Variants in PALM2AKAP2 observed in about 807,000 individuals in gnomAD.
PALM2AKAP2 encodes PALM2-AKAP2 fusion protein.
Under a neutral mutation model 71.5 loss-of-function variants are expected in PALM2AKAP2, and 37 were observed. The observed-to-expected ratio is 0.52, with a 90% CI of 0.40 to 0.68. PALM2AKAP2 has a LOEUF of 0.68. Among genes scored for constraint, PALM2AKAP2 ranks in the 30% least tolerant of loss-of-function variants. The pLI is 0.00. For missense variants in PALM2AKAP2, 1,224 were observed against 1,191.8 expected (o/e 1.03, Z -0.40); for synonymous variants, 468 against 478.8 (o/e 0.98, Z 0.29).
rs977366228 is a variant in PALM2AKAP2, at chr9:109,810,047, C to A, written c.45+29514C>A. On this transcript the variant is annotated intron_variant, in intron 1 of 9. Transcript: ENST00000302798. ...AGCAGTGGGAGAATGAACTAATACA[C>A]CCCCGAAGGCCCTACCTAATATAAT... 3.9e-5 allele frequency among the ~76,000 whole-genome samples: 6 copies of A among 152,302 alleles called. No individual in the cohort carries two copies. The East Asian group carries it at 1.2e-3, about 29-fold the overall frequency.
intron 1 of PALM2AKAP2, among the ~76,000 whole-genome samples, chr9:110,070,137 T>G (rs1416965041): frequency 6.6e-6 from 1 of 152,172 alleles, no homozygotes; most frequent in Non-Finnish European, 1.5e-5. Flanking sequence ...AAACCCATAG[T>G]GGAAACACTT....
intron 1 of PALM2AKAP2, among the ~76,000 whole-genome samples, chr9:109,761,534 C>T (rs1457855948): frequency 6.6e-6 from 1 of 152,144 alleles, no homozygotes; most frequent in Non-Finnish European, 1.5e-5. Flanking sequence ...TTGTCCCCCA[C>T]CCCCAACAGG....
chr9:110,090,498 C>T (rs1278230636), intron 1 of PALM2AKAP2: 1 of 452,220 alleles, frequency 2.2e-6, no homozygotes. Context: ...CTCATTAAGG[C>T]ACATTTCTCT....
At chr9:109,993,596 C>T (rs984689395) in intron 6 of PALM2AKAP2, among the ~76,000 whole-genome samples, 4 of 152,178 alleles carry the variant, frequency 2.6e-5, no homozygotes, top group African/African-American at 9.7e-5. Context: ...AATTGGAGTG[C>T]TATTAACATA....
intron 1 of PALM2AKAP2, among the ~76,000 whole-genome samples, chr9:109,771,263 A>AG (rs1829257305): frequency 6.6e-6 from 1 of 152,176 alleles, no homozygotes; most frequent in African/African-American, 2.4e-5. Context: ...GCATACCAAG[A>AG]GGGGGTGGGA....
chr9:110,138,951 T>C (rs1035202284), intron 2 of PALM2AKAP2, among the ~76,000 whole-genome samples: 3 of 152,190 alleles, frequency 2.0e-5, no homozygotes, highest in Non-Finnish European at 4.4e-5. Context: ...ACCCATCTGA[T>C]TTGGGAGTTG....
At chr9:109,780,477 C>T in exon 1 of PALM2AKAP2, 3 of 1,613,390 alleles carry the variant, frequency 1.9e-6, no homozygotes, top group Non-Finnish European at 2.5e-6. Flanking sequence ...TGCCTGTGTG[C>T]CCTTCTCCAG....
At chr9:110,140,287 C>G (rs984618925) in intron 2 of PALM2AKAP2, among the ~76,000 whole-genome samples, 1 of 152,196 alleles carries the variant, frequency 6.6e-6, no homozygotes, top group Non-Finnish European at 1.5e-5. Context: ...ACTTGTATGT[C>G]CTTTGGAGAT....
At chr9:109,694,968 T>G (rs779740333) in intron 1 of PALM2AKAP2, among the ~76,000 whole-genome samples, 1 of 152,120 alleles carries the variant, frequency 6.6e-6, no homozygotes, top group Non-Finnish European at 1.5e-5. Context: ...AAGTGAGATG[T>G]CACCTGGAAA....
chr9:109,711,955 G>A (rs941502320), intron 1 of PALM2AKAP2, among the ~76,000 whole-genome samples: 1 of 151,922 alleles, frequency 6.6e-6, no homozygotes, highest in African/African-American at 2.4e-5. Flanking sequence ...GACTTCCTGA[G>A]CTATCCTTGT....
intron 1 of PALM2AKAP2, among the ~76,000 whole-genome samples, chr9:110,121,065 A>G (rs1412833097): frequency 6.6e-6 from 1 of 152,152 alleles, no homozygotes; most frequent in East Asian, 1.9e-4. Flanking sequence ...GCACCAGAGA[A>G]GCATTACCAG....
intron 6 of PALM2AKAP2, among the ~76,000 whole-genome samples, chr9:110,014,298 C>A (rs144804713): frequency 3.9e-4 from 59 of 152,134 alleles, no homozygotes; most frequent in African/African-American, 1.4e-3. Context: ...TTTTAACCTC[C>A]TTAAGAAAAT....
At chr9:110,148,069 G>C (rs1413277059) in intron 2 of PALM2AKAP2, among the ~76,000 whole-genome samples, 1 of 152,030 alleles carries the variant, frequency 6.6e-6, no homozygotes, top group Non-Finnish European at 1.5e-5. Flanking sequence ...TTTCCTTCTG[G>C]GGGGAGGTAA....
intron 1 of PALM2AKAP2, among the ~76,000 whole-genome samples, chr9:110,101,767 G>A (rs1269748500): frequency 6.6e-6 from 1 of 152,208 alleles, no homozygotes; most frequent in African/African-American, 2.4e-5. Context: ...GTAAGTAAGG[G>A]AATTTCAGCT....
intron 1 of PALM2AKAP2, among the ~76,000 whole-genome samples, chr9:110,091,502 G>A (rs1274465342): frequency 1.8e-4 from 21 of 117,288 alleles, no homozygotes; most frequent in African/African-American, 6.4e-4. Flanking sequence ...TTGCTCTGTC[G>A]CCCAGGCTGG....
At chr9:109,691,867 T>TATAC (rs1320319516) in intron 1 of PALM2AKAP2, among the ~76,000 whole-genome samples, 20 of 51,478 alleles carry the variant, frequency 3.9e-4, no homozygotes, top group East Asian at 8.3e-4. Flanking sequence ...TATATATATA[T>TATAC]ACACACACAC....
At chr9:109,848,329 C>T (rs979019854) in intron 1 of PALM2AKAP2, among the ~76,000 whole-genome samples, 25 of 152,236 alleles carry the variant, frequency 1.6e-4, no homozygotes, top group African/African-American at 6.0e-4. Context: ...AGTCCTCCTG[C>T]TCTCAGCTGT....
At chr9:109,915,950 CT>C (rs896373058) in intron 3 of PALM2AKAP2, among the ~76,000 whole-genome samples, 172 of 145,506 alleles carry the variant, frequency 1.2e-3, no homozygotes, top group African/African-American at 2.6e-3. Context: ...TATTGGCTTG[CT>C]TTTTTTTTTT....
At chr9:109,879,528 T>A (rs1358629326) in intron 2 of PALM2AKAP2, among the ~76,000 whole-genome samples, 1 of 152,188 alleles carries the variant, frequency 6.6e-6, no homozygotes, top group Non-Finnish European at 1.5e-5. Context: ...TCCTCTCACA[T>A]CTACCTCTCC....
Sources: allele counts gnomAD v4.1 joint callset (sites outside exome capture counted in the v4.1 genomes callset), GRCh38; gene constraint gnomAD v4.1.1; transcripts MANE v1.5; gene names NCBI Gene and HGNC (gene_info 2026-07-23, HGNC 2026-07-21).